Variants in CCL25 observed in about 807,000 individuals in gnomAD.
CCL25 encodes the protein C-C motif chemokine ligand 25.
CCL25 carries 14 observed loss-of-function variants against 19.9 expected under a neutral mutation model. The ratio of observed to expected loss-of-function variants is 0.70; its 90% CI spans 0.47 to 1.10. The LOEUF (loss-of-function observed/expected upper bound fraction) is 1.10. CCL25 is among the 50% of genes least tolerant of loss of function. The pLI, the probability that CCL25 is intolerant of heterozygous loss-of-function variation, is 0.00. For missense variants in CCL25, 151 were observed against 181.2 expected, an observed-to-expected ratio of 0.83 and a Z score of 0.96; for synonymous variants, 68 against 73.2, an observed-to-expected ratio of 0.93 and a Z score of 0.36.
At chr19:8,055,753 G>A (rs971174038) in intron 2 of CCL25, among the ~76,000 whole-genome samples, 3 of 152,208 alleles carry the variant, frequency 2.0e-5, no homozygotes, top group African/African-American at 7.2e-5. Flanking sequence ...TTACAGGCAT[G>A]AGCCACTGTG....
chr19:8,055,576 C>T (rs1039055804), intron 2 of CCL25, among the ~76,000 whole-genome samples: 26 of 151,750 alleles, frequency 1.7e-4, no homozygotes, highest in African/African-American at 2.7e-4. Context: ...CCTCGTGATC[C>T]GCCCACCTTG....
chr19:8,054,790 C>T (rs1234227620), intron 2 of CCL25, among the ~76,000 whole-genome samples: 2 of 151,686 alleles, frequency 1.3e-5, no homozygotes, highest in African/African-American at 4.8e-5. Context: ...CTTGTCTAGA[C>T]ATTGACATTT....
At chr19:8,055,286 A>T (rs1272712079) in intron 2 of CCL25, among the ~76,000 whole-genome samples, 1 of 19,872 alleles carries the variant, frequency 5.0e-5, no homozygotes, top group Non-Finnish European at 1.0e-4. Flanking sequence ...GAGACTCTGG[A>T]AAAAAAAAAA....
chr19:8,054,457 C>T (rs745363415), intron 2 of CCL25, among the ~76,000 whole-genome samples: 1 of 152,188 alleles, frequency 6.6e-6, no homozygotes, highest in Non-Finnish European at 1.5e-5. Flanking sequence ...TCGAGTCCTC[C>T]CTTTCCCTGC....
Position 8,056,426 on chromosome 19 carries a change from G to C in CCL25, c.252G>C (p.Gln84His), listed in dbSNP as rs1256560821. The C allele has an allele frequency of 1.9e-6, 3 of 1,614,148 alleles. No individual in the cohort carries two copies. The highest frequency in any genetic ancestry group is 2.5e-6 in the Non-Finnish European group (3 of 1,180,024). Residue 84 changes from glutamine (Q) to histidine (H), a missense_variant, in exon 4 of 6, where the codon CAG (glutamine) becomes CAC (histidine). Gln to His is a conservative substitution (Grantham distance 24, BLOSUM62 0). Coordinates refer to ENST00000315626, the MANE Select transcript of CCL25 (RefSeq NM_005624.4). Reference sequence around the variant, plus strand: ...GGAACCCCAAAAGCAGGGAGGTGCAGAGAGCCATGAAGCTCCTGGATGCTC... The same window carrying C: ...GGAACCCCAAAAGCAGGGAGGTGCACAGAGCCATGAAGCTCCTGGATGCTC... ...VCGNPKSREV[Q>H]RAMKLLDARN...
chr19:8,057,127 T>G (rs956921299), intron 4 of CCL25, among the ~76,000 whole-genome samples: 3 of 141,476 alleles, frequency 2.1e-5, no homozygotes, highest in Non-Finnish European at 4.6e-5. Context: ...TTCAAGCGAT[T>G]CTCCCGCCTC....
At chr19:8,053,302 G>A (rs1032592904) in intron 2 of CCL25, among the ~76,000 whole-genome samples, 180 bp downstream of exon 2, 5 of 152,162 alleles carry the variant, frequency 3.3e-5, no homozygotes, top group Non-Finnish European at 5.9e-5. Context: ...CGGGGAGATG[G>A]AGAGTCCCCA....
intron 5 of CCL25, 42 bp from the exon 6 acceptor site, chr19:8,062,176 C>T (rs531449317): frequency 2.5e-6 from 4 of 1,605,982 alleles, no homozygotes; most frequent in Admixed American, 3.3e-5. Flanking sequence ...TATTATTTTA[C>T]AGCCGTCAAT....
intron 2 of CCL25, 29 bp downstream of exon 2, chr19:8,053,151 A>G: frequency 6.8e-7 from 1 of 1,469,874 alleles, no homozygotes; most frequent in Non-Finnish European, 9.2e-7. Flanking sequence ...CCTACCACCA[A>G]GTGCCCCTCT....
intron 5 of CCL25, among the ~76,000 whole-genome samples, chr19:8,058,655 ATATT>A (rs1356876346): frequency 3.1e-5 from 4 of 129,200 alleles, no homozygotes; most frequent in Non-Finnish European, 6.2e-5. Flanking sequence ...ATAAATATAT[ATATT>A]TATTATTATT....
At position 8,060,342 on chromosome 19, in the gene CCL25, G is replaced by A. The variant is rs1348334602; in HGVS notation, c.446-1876G>A. On this transcript the variant is annotated intron_variant, in intron 5 of 5. Transcript: ENST00000315626. ...GGGGGACAAAATGAGACCCTGTCTCGAAAAAAGAATAAAAAGATATTACAA... is the reference window on the plus strand; with the variant it reads ...GGGGGACAAAATGAGACCCTGTCTCAAAAAAAGAATAAAAAGATATTACAA... Among the ~76,000 whole-genome samples the A allele has an allele frequency of 6.6e-5, 10 of 151,700 alleles. No individual in the cohort carries two copies. In the Admixed American group the frequency reaches 6.6e-4, roughly 10 times the overall value.
intron 3 of CCL25, 28 bp downstream of exon 3, chr19:8,056,297 G>T (rs766608461): frequency 7.6e-6 from 7 of 915,186 alleles, no homozygotes; most frequent in Admixed American, 1.8e-5. Context: ...GGCTGGGGGG[G>T]TGGGGTGCAC....
chr19:8,060,705 G>A (rs1313297355), intron 5 of CCL25, among the ~76,000 whole-genome samples: 1 of 150,980 alleles, frequency 6.6e-6, no homozygotes, highest in East Asian at 2.0e-4. Flanking sequence ...TTTTGAGATG[G>A]AGTCTTGCTC....
chr19:8,061,886 C>T (rs1029278669), intron 5 of CCL25, among the ~76,000 whole-genome samples: 1 of 151,330 alleles, frequency 6.6e-6, no homozygotes, highest in African/African-American at 2.4e-5. Flanking sequence ...TACAAAAATA[C>T]AAAAAATACA....
chr19:8,059,138 T>TAAA (rs2081299406), intron 5 of CCL25, among the ~76,000 whole-genome samples: 12 of 81,494 alleles, frequency 1.5e-4, no homozygotes, highest in African/African-American at 6.7e-4. Context: ...TAAATATATA[T>TAAA]TATATAATAT....
Position 8,053,102 on chromosome 19 carries a change from C to A in CCL25, c.53C>A (p.Ala18Asp). ...GTGGCCGGCTTCCTGGGAGCCTGGG[C>A]CCCCGCTGTCCACACCCAAGGTACT... ...CLVAGFLGAWAPAVHTQGVFE... is the reference protein window; with the variant it reads ...CLVAGFLGAWDPAVHTQGVFE... The change falls in exon 2 of 6, where the codon GCC (alanine) becomes GAC (aspartate). Residue 18 changes from alanine (A) to aspartate (D), a missense_variant. Transcript: ENST00000315626. 6.4e-7 allele frequency: 1 copy of A among 1,555,862 alleles called. No homozygotes were observed. The highest frequency in any genetic ancestry group is 8.7e-7 in the Non-Finnish European group (1 of 1,149,432).
intron 5 of CCL25, among the ~76,000 whole-genome samples, chr19:8,058,395 A>G (rs1350843450): frequency 8.5e-6 from 1 of 117,730 alleles, no homozygotes; most frequent in Non-Finnish European, 1.6e-5. Flanking sequence ...ATATAAGTAA[A>G]TATATAATAT....
At chr19:8,060,785 A>T (rs2081312465) in intron 5 of CCL25, among the ~76,000 whole-genome samples, 1 of 150,964 alleles carries the variant, frequency 6.6e-6, no homozygotes, top group African/African-American at 2.4e-5. Flanking sequence ...GGTTCACGCC[A>T]TTCTCCTGGC....
At chr19:8,057,168 C>A (rs187480143) in intron 4 of CCL25, among the ~76,000 whole-genome samples, 1 of 151,904 alleles carries the variant, frequency 6.6e-6, no homozygotes, top group Admixed American at 6.6e-5. Flanking sequence ...CACAGGCCCA[C>A]GCCACCACGC....
Sources: allele counts gnomAD v4.1 joint callset (sites outside exome capture counted in the v4.1 genomes callset), GRCh38; gene constraint gnomAD v4.1.1; transcripts MANE v1.5; gene names NCBI Gene and HGNC (gene_info 2026-07-23, HGNC 2026-07-21).